FAM178B: variants seen among roughly 807,000 people sequenced by gnomAD.
FAM178B encodes the protein family with sequence similarity 178 member B, also known as protein FAM178B.
Under a neutral mutation model 91.7 loss-of-function variants are expected in FAM178B, and 82 were observed. That is an observed-to-expected ratio of 0.89 (90% CI 0.75 to 1.07). FAM178B has a LOEUF of 1.07. Among genes scored for constraint, FAM178B ranks in the 50% least tolerant of loss-of-function variants. The pLI, the probability that FAM178B is intolerant of heterozygous loss-of-function variation, is 0.00. For synonymous variants in FAM178B, 368 were observed against 359.4 expected (o/e 1.02, Z -0.27); for missense variants, 769 against 846.7 (o/e 0.91, Z 1.14).
rs145117590 is a variant in FAM178B, at chr2:96,981,940, C to T, written c.73+4301G>A. 5.2e-3 allele frequency among the ~76,000 whole-genome samples: 790 copies of T among 151,572 alleles called. 3 individuals carry two copies. Among genetic ancestry groups the T allele is most frequent in the African/African-American group, 0.018 (747 of 41,264 alleles). ...AAAATTAGCTGGGCATGGTGGTGTGCACCTGCAGTACCAGCTACTTGGGAG... is the reference window on the plus strand; with the variant it reads ...AAAATTAGCTGGGCATGGTGGTGTGTACCTGCAGTACCAGCTACTTGGGAG... On this transcript the variant is annotated intron_variant, in intron 1 of 16. Coordinates refer to ENST00000490605, the MANE Select transcript of FAM178B (RefSeq NM_001122646.3).
chr2:96,966,566 A>G (rs921889405), intron 5 of FAM178B, among the ~76,000 whole-genome samples: 1 of 152,222 alleles, frequency 6.6e-6, no homozygotes, highest in African/African-American at 2.4e-5. Context: ...AGAGCCTCGC[A>G]CATAGTTGGC....
At chr2:96,910,356 G>T (rs2081131062) in intron 12 of FAM178B, among the ~76,000 whole-genome samples, 1 of 152,198 alleles carries the variant, frequency 6.6e-6, no homozygotes. Flanking sequence ...TCTGCACAGT[G>T]AGGTTGGTCA....
At chr2:96,936,275 C>T (rs181242614) in intron 8 of FAM178B, among the ~76,000 whole-genome samples, 1 of 152,256 alleles carries the variant, frequency 6.6e-6, no homozygotes, top group Admixed American at 6.5e-5. Flanking sequence ...GATCTCTGCT[C>T]ACTGTAAGCT....
intron 1 of FAM178B, among the ~76,000 whole-genome samples, chr2:96,974,979 T>C (rs2082270595): frequency 6.6e-6 from 1 of 150,810 alleles, no homozygotes; most frequent in African/African-American, 2.4e-5. Context: ...TAATCCCAGC[T>C]ACTCGGGAGA....
At chr2:96,898,333 C>A (rs1225498006) in intron 13 of FAM178B, among the ~76,000 whole-genome samples, 1 of 152,094 alleles carries the variant, frequency 6.6e-6, no homozygotes, top group African/African-American at 2.4e-5. Context: ...TAAGGCGGTG[C>A]CCTGCAGTGG....
chr2:96,905,852 ATATATATATTTTTTTTTTTTTTT>A (rs2081039031), intron 12 of FAM178B, among the ~76,000 whole-genome samples: 5 of 27,774 alleles, frequency 1.8e-4, no homozygotes, highest in African/African-American at 5.9e-4. Flanking sequence ...ATATATATAT[ATATATATATTTTTTTTTTTTTTT>A]TTTTTTTTTT....
At chr2:96,936,889 G>A (rs891294873) in intron 8 of FAM178B, among the ~76,000 whole-genome samples, 2 of 152,044 alleles carry the variant, frequency 1.3e-5, no homozygotes, top group Admixed American at 6.6e-5. Context: ...AGCAGACCCG[G>A]CACTGGAAGG....
At position 96,902,645 on chromosome 2, in the gene FAM178B, A is replaced by G. The variant is rs1052177725; in HGVS notation, c.1625T>C (p.Leu542Pro). The G allele has an allele frequency of 6.4e-7, 1 of 1,550,738 alleles. No homozygotes were observed. Among genetic ancestry groups the G allele is most frequent in the African/African-American group, 1.4e-5 (1 of 73,024 alleles). Residue 542 changes from leucine to proline, a missense_variant, in exon 13 of 17, where the codon CTC becomes CCC. By Grantham distance (98) the Leu-to-Pro change is moderately conservative. Coordinates refer to ENST00000490605, the MANE Select transcript of FAM178B (RefSeq NM_001122646.3). ...CTGGGTCTTCTCTTGCCAGAGAGGG[A>G]GCATCTCCTGCTGGCCCAGCATTCG... ...IARMLGQQEM[L>P]PLWQEKTQLS... is the part of the protein sequence containing the mutation.
At chr2:96,883,207 C>T (rs544840154) in intron 14 of FAM178B, among the ~76,000 whole-genome samples, 2 of 152,336 alleles carry the variant, frequency 1.3e-5, no homozygotes, top group African/African-American at 4.8e-5. Flanking sequence ...AGTTCTGACC[C>T]CAGGCTCCCC....
At chr2:96,932,676 G>A (rs1021742869) in intron 8 of FAM178B, among the ~76,000 whole-genome samples, 8 of 152,132 alleles carry the variant, frequency 5.3e-5, no homozygotes, top group Non-Finnish European at 8.8e-5. Context: ...GGTGGCTCAC[G>A]CCTGTAATCC....
intron 1 of FAM178B, among the ~76,000 whole-genome samples, chr2:96,981,405 A>G (rs988870612): frequency 1.3e-5 from 2 of 152,218 alleles, no homozygotes; most frequent in Non-Finnish European, 1.5e-5. Context: ...TATTAATGGT[A>G]TATTTCGATA....
chr2:96,877,160 C>T (rs545072749), intron 16 of FAM178B, among the ~76,000 whole-genome samples: 190 of 152,100 alleles, frequency 1.2e-3, no homozygotes, highest in South Asian at 3.9e-3. Context: ...GAAAACTCGG[C>T]GGGGGTAGGG....
At chr2:96,977,442 C>A (rs1336840377) in intron 1 of FAM178B, among the ~76,000 whole-genome samples, 1 of 147,712 alleles carries the variant, frequency 6.8e-6, no homozygotes, top group Non-Finnish European at 1.5e-5. Flanking sequence ...AACGACCGTG[C>A]CTTTTGGGAA....
Position 96,972,267 on chromosome 2 carries a change from C to A in FAM178B, c.198G>T (p.Leu66Phe). The A allele has an allele frequency of 6.7e-7, 1 of 1,498,034 alleles. No homozygotes were observed. The highest frequency in any genetic ancestry group is 2.5e-5 in the East Asian group (1 of 40,640). The allele number at this position is 1,498,034 out of a possible 1,614,324, so 92.8% of individuals were successfully genotyped here. A position where few individuals can be genotyped will look rare whatever the true frequency, so the allele number is the denominator to read the frequency against. The change falls in exon 3 of 17, where the codon TTG becomes TTT. Residue 66 changes from leucine to phenylalanine, a missense_variant. By Grantham distance (22) the Leu-to-Phe change is conservative. Transcript: ENST00000490605. ...PILLYNLEDG[L>F]SDHPLDQGPR... Reference sequence around the variant, plus strand: ...GCCCCTGGTCCAGGGGATGGTCTGACAAGCCATCCTCCAGGTTGTACAGGA... The same window carrying A: ...GCCCCTGGTCCAGGGGATGGTCTGAAAAGCCATCCTCCAGGTTGTACAGGA...
chr2:96,986,178 A>G, intron 1 of FAM178B, 63 bp downstream of exon 1: 1 of 1,530,782 alleles, frequency 6.5e-7, no homozygotes, highest in Non-Finnish European at 8.7e-7. Context: ...GTCCCAGGGA[A>G]GTCGAGTGCT....
intron 5 of FAM178B, among the ~76,000 whole-genome samples, chr2:96,966,303 TCCCTTCATCATCAGAGCCCACA>T (rs912930060): frequency 1.3e-5 from 2 of 151,544 alleles, no homozygotes; most frequent in Admixed American, 6.6e-5. Flanking sequence ...AGAGCCCACA[TCCCTTCATCATCAGAGCCCACA>T]CCCTTCATCA....
In FAM178B at chr2:96,919,637, G is replaced by C. The variant is rs550854354; in HGVS notation, c.1562+1528C>G. 3.3e-5 allele frequency among the ~76,000 whole-genome samples: 5 copies of C among 152,116 alleles called. No individual in the cohort carries two copies. In the East Asian group the frequency reaches 9.7e-4, roughly 30 times the overall value. On this transcript the variant is annotated intron_variant, in intron 12 of 16. Coordinates refer to ENST00000490605, the MANE Select transcript of FAM178B (RefSeq NM_001122646.3). ...CAAAGCAGAGTGGATGGGCGGTCTG[G>C]GGAGAACAGGGAATCAGGAGGCAGG... is the stretch of plus-strand genomic sequence containing the variant.
At chr2:96,888,385 G>A (rs1298076617) in intron 14 of FAM178B, among the ~76,000 whole-genome samples, 1 of 152,268 alleles carries the variant, frequency 6.6e-6, no homozygotes, top group Non-Finnish European at 1.5e-5. Context: ...CAGGTGGGAA[G>A]GCAGAGAGCA....
chr2:96,973,127 G>C (rs1231341771), intron 1 of FAM178B, among the ~76,000 whole-genome samples: 1 of 150,708 alleles, frequency 6.6e-6, no homozygotes, highest in Non-Finnish European at 1.5e-5. Flanking sequence ...AGAATTGCTT[G>C]AACCTGGGAG....
Sources: gnomAD v4.1 joint callset for allele counts (sites outside exome capture counted in the v4.1 genomes callset) on GRCh38, gnomAD v4.1.1 for gene constraint, MANE v1.5 for transcripts, NCBI Gene and HGNC (gene_info 2026-07-23, HGNC 2026-07-21) for gene names.